CCDC73: variants seen among roughly 807,000 people sequenced by gnomAD.
CCDC73 encodes the protein coiled-coil domain containing 73.
Under a neutral mutation model 116.5 loss-of-function variants are expected in CCDC73, and 95 were observed. That is an observed-to-expected ratio of 0.82 (90% CI 0.69 to 0.97). The LOEUF is 0.97. CCDC73 is among the 50% of genes least tolerant of loss of function. CCDC73 has a pLI of 0.00. For synonymous variants in CCDC73, 398 were observed against 401.3 expected (o/e 0.99, Z 0.10); for missense variants, 1,066 against 1,206.8 (o/e 0.88, Z 1.73).
At chr11:32,761,188 T>C (rs1484116601) in intron 1 of CCDC73, among the ~76,000 whole-genome samples, 2 of 152,136 alleles carry the variant, frequency 1.3e-5, no homozygotes, top group East Asian at 3.9e-4. Flanking sequence ...GTTTCAAGAG[T>C]GCTCATAAAT....
intron 12 of CCDC73, among the ~76,000 whole-genome samples, chr11:32,649,390 T>C (rs1855807122): frequency 6.6e-6 from 1 of 152,238 alleles, no homozygotes; most frequent in Non-Finnish European, 1.5e-5. Flanking sequence ...GACTAAACTA[T>C]AATTAAATCA....
rs187056445 is a variant in CCDC73, at chr11:32,793,702, C to T, written c.-16+911G>A. 7.2e-3 allele frequency among the ~76,000 whole-genome samples: 1,090 copies of T among 152,142 alleles called. 17 individuals are homozygous for T. Among genetic ancestry groups the T allele is most frequent in the African/African-American group, 0.025 (1,030 of 41,486 alleles). Reference sequence around the variant, plus strand: ...CTAGGCTCACTGCAACCTCCGCCTCCCGGGTTCAAGCAATTCTCCTGCCTC... The same window carrying T: ...CTAGGCTCACTGCAACCTCCGCCTCTCGGGTTCAAGCAATTCTCCTGCCTC... On this transcript the variant is annotated intron_variant, in intron 1 of 17. Transcript: ENST00000335185.
At chr11:32,611,361 A>G in intron 16 of CCDC73, 96 bp from the exon 17 acceptor site, 1 of 1,033,986 alleles carries the variant, frequency 9.7e-7, no homozygotes, top group Non-Finnish European at 1.4e-6. Flanking sequence ...TTTGTATTTA[A>G]AAAGCAACAA....
intron 12 of CCDC73, among the ~76,000 whole-genome samples, chr11:32,651,857 G>A (rs1027282556): frequency 6.6e-6 from 1 of 152,116 alleles, no homozygotes; most frequent in African/African-American, 2.4e-5. Flanking sequence ...AACCCCTTTA[G>A]AAGGATAGAA....
intron 3 of CCDC73, among the ~76,000 whole-genome samples, chr11:32,712,222 A>T (rs184534021): frequency 1.8e-4 from 27 of 152,230 alleles, no homozygotes; most frequent in Non-Finnish European, 2.9e-4. Context: ...AGTCAAACTT[A>T]TACAAGTTGA....
At chr11:32,635,465 T>G (rs201853) in intron 14 of CCDC73, among the ~76,000 whole-genome samples, 2 of 152,104 alleles carry the variant, frequency 1.3e-5, no homozygotes, top group East Asian at 3.9e-4. Flanking sequence ...GAGAAAATAG[T>G]GTTTTCGACA....
chr11:32,728,383 G>T (rs1321071), intron 2 of CCDC73, among the ~76,000 whole-genome samples: 41,168 of 151,876 alleles, frequency 0.27, 6,453 homozygotes, highest in East Asian at 0.79. Context: ...AGTTTTAACC[G>T]TGGGAGCTCT....
chr11:32,702,781 G>A (rs1177384735), intron 4 of CCDC73, 92 bp downstream of exon 4: 1 of 863,446 alleles, frequency 1.2e-6, no homozygotes, highest in Non-Finnish European at 2.0e-6. Flanking sequence ...TGTCTTTGGT[G>A]ACTATGGAGA....
intron 16 of CCDC73, 51 bp downstream of exon 16, chr11:32,613,371 G>A (rs559813944): frequency 6.9e-7 from 1 of 1,445,854 alleles, no homozygotes; most frequent in East Asian, 2.3e-5. Context: ...CATTTATCAA[G>A]AATAAGTAGA....
chr11:32,741,983 T>C (rs1850191693), intron 2 of CCDC73, among the ~76,000 whole-genome samples: 1 of 152,170 alleles, frequency 6.6e-6, no homozygotes, highest in Non-Finnish European at 1.5e-5. Flanking sequence ...ACAAAGGACA[T>C]GAACTCATCC....
chr11:32,818,099 A>G, the CCDC73 span, among the ~76,000 whole-genome samples: 1 of 152,188 alleles, frequency 6.6e-6, no homozygotes, highest in Non-Finnish European at 1.5e-5. Flanking sequence ...TGTTCTCACC[A>G]ATTGAGGTTT....
At chr11:32,771,620 G>A (rs1297094877) in intron 1 of CCDC73, among the ~76,000 whole-genome samples, 2 of 152,206 alleles carry the variant, frequency 1.3e-5, no homozygotes, top group Non-Finnish European at 2.9e-5. Context: ...TTGACAAGCT[G>A]CAGCCAAAGA....
chr11:32,776,811 C>T (rs192738213), intron 1 of CCDC73, among the ~76,000 whole-genome samples: 71 of 150,988 alleles, frequency 4.7e-4, no homozygotes, highest in Non-Finnish European at 1.3e-4. Context: ...TATATATATA[C>T]ATATGTATAT....
chr11:32,755,927 C>A (rs1224051033), intron 2 of CCDC73, among the ~76,000 whole-genome samples: 1 of 24,222 alleles, frequency 4.1e-5, no homozygotes, highest in Non-Finnish European at 6.9e-5. Flanking sequence ...ATATATATAT[C>A]TATATATATA....
At chr11:32,732,437 A>C (rs563365653) in intron 2 of CCDC73, among the ~76,000 whole-genome samples, 2 of 152,046 alleles carry the variant, frequency 1.3e-5, no homozygotes, top group African/African-American at 4.8e-5. Context: ...GATACTCCTC[A>C]TGAAGAGCAA....
At chr11:32,725,801 T>TA (rs1850026051) in intron 2 of CCDC73, among the ~76,000 whole-genome samples, 1 of 152,056 alleles carries the variant, frequency 6.6e-6, no homozygotes, top group South Asian at 2.1e-4. Context: ...AAGAGAACCT[T>TA]AAAGAAGTGA....
chr11:32,677,821 G>A (rs961637714), intron 7 of CCDC73, among the ~76,000 whole-genome samples: 1 of 151,562 alleles, frequency 6.6e-6, no homozygotes, highest in African/African-American at 2.4e-5. Flanking sequence ...GCATGGTGAT[G>A]CGCGCCTGTA....
chr11:32,816,212 A>G, the CCDC73 span, among the ~76,000 whole-genome samples: 4 of 152,224 alleles, frequency 2.6e-5, no homozygotes, highest in Non-Finnish European at 5.9e-5. Context: ...TCTGGAACAC[A>G]GAGGAAAGAT....
At chr11:32,672,825 C>A (rs1156304839) in intron 9 of CCDC73, among the ~76,000 whole-genome samples, 4 of 152,052 alleles carry the variant, frequency 2.6e-5, no homozygotes, top group Admixed American at 2.6e-4. Flanking sequence ...TTTTAAGGGC[C>A]AGAAACATGA....
Sources: allele counts gnomAD v4.1 joint callset (sites outside exome capture counted in the v4.1 genomes callset), GRCh38; gene constraint gnomAD v4.1.1; transcripts MANE v1.5; gene names NCBI Gene and HGNC (gene_info 2026-07-23, HGNC 2026-07-21).